Variants in MED24 observed in about 807,000 individuals in gnomAD.
The protein encoded by MED24 is mediator of RNA polymerase II transcription subunit 24.
A neutral mutation model predicts 118.8 loss-of-function variants in MED24; 74 were observed. The ratio of observed to expected loss-of-function variants is 0.62; its 90% confidence interval spans 0.52 to 0.76. The LOEUF (loss-of-function observed/expected upper bound fraction) is 0.76. Among genes scored for constraint, MED24 ranks in the 30% least tolerant of loss-of-function variants. The pLI is 0.00. For missense variants in MED24, 1,041 were observed against 1,278.9 expected, an observed-to-expected ratio of 0.81 and a Z score of 2.84; for synonymous variants, 521 against 523.9, an observed-to-expected ratio of 0.99 and a Z score of 0.08.
In MED24 at chr17:40,035,206, T is replaced by C. The variant is rs1983795986; in HGVS notation, c.470A>G (p.Gln157Arg). 6.2e-7 allele frequency: 1 copy of C among 1,614,020 alleles called. No homozygotes were observed. The highest frequency in any genetic ancestry group is 1.7e-5 in the Admixed American group (1 of 60,004). ...CAGGCGCTGAAGGCACATGGCAAGC[T>C]GCTTCTCCCCAGCGGCTGGAGTGCC... ...EAGTPAAGEK[Q>R]LAMCLQRLEK... Residue 157 changes from glutamine to arginine, a missense_variant, in exon 6 of 26, where the codon CAG (glutamine) becomes CGG (arginine). Coordinates refer to ENST00000394128, the MANE Select transcript of MED24 (RefSeq NM_014815.4).
At chr17:40,026,488 G>T in intron 18 of MED24, 157 bp from the exon 19 acceptor site, 1 of 1,159,474 alleles carries the variant, frequency 8.6e-7, no homozygotes, top group Non-Finnish European at 1.2e-6. Flanking sequence ...GAGCTACCTG[G>T]GCCAGAGGGA....
At chr17:40,048,505 T>C (rs1166966768) in intron 3 of MED24, among the ~76,000 whole-genome samples, 1 of 152,194 alleles carries the variant, frequency 6.6e-6, no homozygotes, top group Non-Finnish European at 1.5e-5. Context: ...AAATCATGCA[T>C]AGATAAAAGA....
In MED24 at chr17:40,033,176, C is replaced by T. The variant is rs1983579519; in HGVS notation, c.702G>A (p.Glu234=). 6.2e-7 allele frequency: 1 copy of T among 1,614,092 alleles called. No homozygotes were observed. ...SIPTMLSVHA[E]QMHKTGFPTV... is the part of the protein sequence containing the mutation. ...TGGGGAAGCCGGTCTTGTGCATCTGCTCCGCATGCACAGACAGCATCGTGG... is the reference window on the plus strand; with the variant it reads ...TGGGGAAGCCGGTCTTGTGCATCTGTTCCGCATGCACAGACAGCATCGTGG... The change falls in exon 8 of 26, where the codon GAG becomes GAA. Residue 234 remains glutamate, a synonymous_variant. Coordinates refer to ENST00000394128, the MANE Select transcript of MED24 (RefSeq NM_014815.4). The surrounding 1 kb of genome is among the most constrained non-coding windows in gnomAD (Gnocchi z 5.2).
At chr17:40,032,931 A>G in intron 8 of MED24, 125 bp downstream of exon 8, 9 of 1,423,968 alleles carry the variant, frequency 6.3e-6, no homozygotes, top group Non-Finnish European at 8.6e-6. Context: ...CACGACTGGC[A>G]CCCACTTTCC....
rs1035664827 is a variant in MED24 at position 40,043,619 on chromosome 17, T to C, written c.214-7465A>G. Among the ~76,000 whole-genome samples, 11 of 152,214 alleles carry C rather than the reference T, an allele frequency of 7.2e-5. No homozygotes were observed. The East Asian group carries it at 2.1e-3, about 29-fold the overall frequency. ...AAAGATTTAAATAAGCCAGGCGCGG[T>C]GGCTCACGTCTGTAATCCCAGCACT... On this transcript the variant is annotated intron_variant, in intron 3 of 25. Coordinates refer to ENST00000394128, the MANE Select transcript of MED24 (RefSeq NM_014815.4).
intron 23 of MED24, chr17:40,021,205 T>C (rs540842364): frequency 9.2e-5 from 14 of 152,658 alleles, no homozygotes; most frequent in African/African-American, 3.4e-4. Flanking sequence ...GGGGCCGATC[T>C]TGGTACTTCC....
At position 40,019,808 on chromosome 17, in the gene MED24, G is replaced by A; in HGVS notation, c.2830C>T (p.Leu944=). 6.2e-7 allele frequency: 1 copy of A among 1,609,154 alleles called. No homozygotes were observed. The highest frequency in any genetic ancestry group is 8.5e-7 in the Non-Finnish European group (1 of 1,177,596). ...CLEQGGRGSV[L]QFMPFTTVSE... ...ACGGTGGTGAAGGGCATGAACTGCA[G>A]GACGCTGCCACGGCCACCCTGCTCC... The change falls in exon 25 of 26, where the codon CTG becomes TTG. Residue 944 remains leucine (L), a synonymous_variant. Coordinates refer to ENST00000394128, the MANE Select transcript of MED24 (RefSeq NM_014815.4).
In MED24 at chr17:40,031,198, A is replaced by G; in HGVS notation, c.1115T>C (p.Leu372Pro). Residue 372 changes from leucine to proline, a missense_variant, in exon 12 of 26, where the codon CTT becomes CCT. This residue lies in a region of MED24 where 434 missense variants were observed against 514.9 expected (regional missense o/e 0.84). Coordinates refer to ENST00000394128, the MANE Select transcript of MED24 (RefSeq NM_014815.4). Reference sequence around the variant, plus strand: ...GTTGTTGACGCTGGCCTCAGACAGAAGCCCCTGCTTGCCACATTCTTGGAG... The same window carrying G: ...GTTGTTGACGCTGGCCTCAGACAGAGGCCCCTGCTTGCCACATTCTTGGAG... ...FLLQECGKQG[L>P]LSEASVNNLM... 1 of 1,573,950 alleles carries G rather than the reference A, an allele frequency of 6.4e-7. No individual in the cohort carries two copies. The highest frequency in any genetic ancestry group is 8.6e-7 in the Non-Finnish European group (1 of 1,158,508).
chr17:40,032,500 GA>G, intron 9 of MED24, 148 bp downstream of exon 9: 1 of 640,794 alleles, frequency 1.6e-6, no homozygotes, highest in Non-Finnish European at 2.7e-6. Flanking sequence ...CACTTTCAGA[GA>G]AAATGATCAA....
chr17:40,035,223 T>C lies in MED24; in HGVS notation c.453A>G (p.Pro151=). ...TGGCAAGCTGCTTCTCCCCAGCGGCTGGAGTGCCGGCCTCCAGCCCCTCCC... is the reference window on the plus strand; with the variant it reads ...TGGCAAGCTGCTTCTCCCCAGCGGCCGGAGTGCCGGCCTCCAGCCCCTCCC... ...RLREGLEAGT[P]AAGEKQLAMC... The change falls in exon 6 of 26, where the codon CCA becomes CCG. Residue 151 remains proline (P), a synonymous_variant. Transcript: ENST00000394128. 2 of 1,613,946 alleles carry C rather than the reference T, an allele frequency of 1.2e-6. No homozygotes were observed. Among genetic ancestry groups the C allele is most frequent in the Non-Finnish European group, 1.7e-6 (2 of 1,179,958 alleles).
Position 40,027,395 on chromosome 17 carries a change from G to C in MED24, c.1518C>G (p.Thr506=), listed in dbSNP as rs1227078238. 1.9e-6 allele frequency: 3 copies of C among 1,613,668 alleles called. No homozygotes were observed. The highest frequency in any genetic ancestry group is 2.2e-5 in the South Asian group (2 of 90,960). The part of the protein sequence containing the change: ...SFLMLCHVAQ[T]YGSEVILSES... ...TCCCCTCTCTCACCTCTGAACCATA[G>C]GTCTGGGCCACATGGCACAGCATGA... Residue 506 remains threonine (T), a synonymous_variant, in exon 16 of 26, where the codon ACC becomes ACG. Coordinates refer to ENST00000394128, the MANE Select transcript of MED24 (RefSeq NM_014815.4).
chr17:40,022,970 C>G, intron 20 of MED24, 144 bp from the exon 21 acceptor site: 6 of 1,346,208 alleles, frequency 4.5e-6, no homozygotes, highest in Non-Finnish European at 6.0e-6. Context: ...GAATCCCAGT[C>G]TCTGGCCAGA....
Position 40,022,784 on chromosome 17 carries a change from C to A in MED24, c.2293G>T (p.Val765Leu). ...ETRKEHTLRA[V>L]ELLYSIFCLD... The stretch of plus-strand genomic sequence containing the variant: ...CAGAAGATGGAGTAGAGCAGCTCCA[C>A]TGCCCGCAGCGTGTGCTCCTTCCGC... Residue 765 changes from valine (V) to leucine (L), a missense_variant, in exon 21 of 26, where the codon GTG becomes TTG. Coordinates refer to ENST00000394128, the MANE Select transcript of MED24 (RefSeq NM_014815.4). 6.2e-7 allele frequency: 1 copy of A among 1,613,838 alleles called. No homozygotes were observed. The highest frequency in any genetic ancestry group is 8.5e-7 in the Non-Finnish European group (1 of 1,179,986).
chr17:40,022,328 T>A, intron 22 of MED24, 66 bp downstream of exon 22: 1 of 1,490,562 alleles, frequency 6.7e-7, no homozygotes, highest in South Asian at 1.2e-5. Flanking sequence ...GCCTGGGGAA[T>A]CCTTAGGAAA....
Position 40,027,949 on chromosome 17 carries a change from G to T in MED24, c.1410-3C>A. The T allele has an allele frequency of 1.2e-6, 2 of 1,613,824 alleles. No individual in the cohort carries two copies. The highest frequency in any genetic ancestry group is 1.7e-6 in the Non-Finnish European group (2 of 1,179,998). On this transcript the variant is annotated splice_region_variant and splice_polypyrimidine_tract_variant and intron_variant, in intron 14 of 25. Transcript: ENST00000394128. ...CATAGGTTGTGAATTCATTCAAACTGAAAGGAATGGAGACAGGCTGCATTG... is the reference window on the plus strand; with the variant it reads ...CATAGGTTGTGAATTCATTCAAACTTAAAGGAATGGAGACAGGCTGCATTG...
At position 40,035,300 on chromosome 17, in the gene MED24, T is replaced by C. The variant is rs1258967280; in HGVS notation, c.376A>G (p.Ser126Gly). ...ECIGLCRALL[S>G]ALHWLLRCTA... The stretch of plus-strand genomic sequence containing the variant: ...CAGCGCAGCAGCCAGTGGAGGGCGC[T>C]AAGAAGGGCTCGGCACAGTCCGATG... The change falls in exon 6 of 26, where the codon AGC (serine) becomes GGC (glycine). Residue 126 changes from serine to glycine, a missense_variant. Ser to Gly is a moderately conservative substitution (Grantham distance 56). Around this residue, in one of 3 missense-constraint regions of MED24, gnomAD observed 434 missense variants for 514.9 expected, o/e 0.84. Transcript: ENST00000394128. 1.2e-6 allele frequency: 2 copies of C among 1,611,516 alleles called. No homozygotes were observed. Among genetic ancestry groups the C allele is most frequent in the Non-Finnish European group, 1.7e-6 (2 of 1,177,992 alleles).
At position 40,026,877 on chromosome 17, in the gene MED24, T is replaced by C. The variant is rs147382251; in HGVS notation, c.1688A>G (p.Asn563Ser). Reference sequence around the variant, plus strand: ...TGACACTAGCTTCATCTCCGAGGAGTTGTTGAGCAGGGCCACCAGGGACTC... The same window carrying C: ...TGACACTAGCTTCATCTCCGAGGAGCTGTTGAGCAGGGCCACCAGGGACTC... ...KVESLVALLN[N>S]SSEMKLVQMK... The change falls in exon 17 of 26, where the codon AAC becomes AGC. Residue 563 changes from asparagine to serine, a missense_variant. This residue lies in a region of MED24 where 587 missense variants were observed against 694.4 expected (regional missense o/e 0.85). Coordinates refer to ENST00000394128, the MANE Select transcript of MED24 (RefSeq NM_014815.4). 7 of 1,612,894 alleles carry C rather than the reference T, an allele frequency of 4.3e-6. No homozygotes were observed. The Admixed American group carries it at 5.0e-5, about 12-fold the overall frequency.
intron 3 of MED24, among the ~76,000 whole-genome samples, chr17:40,036,850 A>G (rs900310393): frequency 6.6e-6 from 1 of 152,120 alleles, no homozygotes; most frequent in African/African-American, 2.4e-5. Context: ...CTAGAGACAA[A>G]CAAACATTTC....
In MED24 at chr17:40,019,503, C is replaced by T. The variant is rs200527286; in HGVS notation, c.*26G>A. ...CGCCTGGGGCTGCGCCAGTCCCCAG[C>T]CCCCACTGCGGCCATGCCAAGCCCC... is the stretch of plus-strand genomic sequence containing the variant. On this transcript the variant is annotated 3_prime_UTR_variant, in exon 26 of 26. Transcript: ENST00000394128. 880 of 1,594,266 alleles carry T rather than the reference C, an allele frequency of 5.5e-4. No individual in the cohort carries two copies. Among genetic ancestry groups the T allele is most frequent in the Non-Finnish European group, 7.3e-4 (855 of 1,165,064 alleles).
Sources: allele counts gnomAD v4.1 joint callset (sites outside exome capture counted in the v4.1 genomes callset), GRCh38; gene constraint gnomAD v4.1.1; regional missense constraint gnomAD v4.1.1; non-coding constraint Gnocchi (gnomAD v3.1); transcripts MANE v1.5; gene names NCBI Gene and HGNC (gene_info 2026-07-23, HGNC 2026-07-21).